Variants in C8orf34 observed in about 807,000 individuals in gnomAD.
The protein encoded by C8orf34 is uncharacterized protein C8orf34.
Under a neutral mutation model 68.3 loss-of-function variants are expected in C8orf34, and 65 were observed. The ratio of observed to expected loss-of-function variants is 0.95; its 90% CI spans 0.78 to 1.17. The LOEUF (loss-of-function observed/expected upper bound fraction) is 1.17. Among genes scored for constraint, C8orf34 ranks in the 50% most tolerant of loss-of-function variants. The pLI, the probability that C8orf34 is intolerant of heterozygous loss-of-function variation, is 0.00. For missense variants in C8orf34, 664 were observed against 655.4 expected (o/e 1.01, Z -0.14); for synonymous variants, 244 against 241.2 (o/e 1.01, Z -0.11).
chr8:68,416,939 C>A (rs1385586865), intron 1 of C8orf34, among the ~76,000 whole-genome samples: 1 of 151,966 alleles, frequency 6.6e-6, no homozygotes. Flanking sequence ...AGTATTACAC[C>A]ATTACTTTCC....
chr8:68,754,341 T>G (rs749893098), intron 10 of C8orf34, among the ~76,000 whole-genome samples: 2 of 152,182 alleles, frequency 1.3e-5, no homozygotes, highest in Non-Finnish European at 2.9e-5. Flanking sequence ...TAGTTCAAAG[T>G]GGAGAAAAGA....
chr8:68,551,188 G>A (rs978719229), intron 7 of C8orf34, among the ~76,000 whole-genome samples: 7 of 151,630 alleles, frequency 4.6e-5, no homozygotes, highest in Admixed American at 3.9e-4. Context: ...TGAATATGCT[G>A]ATGTGATTTT....
intron 5 of C8orf34, among the ~76,000 whole-genome samples, chr8:68,520,595 T>C (rs1814708520): frequency 1.2e-4 from 18 of 150,606 alleles, no homozygotes; most frequent in Admixed American, 1.1e-3. Flanking sequence ...GGACTACAGG[T>C]GCCCGCCATC....
intron 10 of C8orf34, among the ~76,000 whole-genome samples, chr8:68,744,733 G>A (rs1374657973): frequency 6.6e-6 from 1 of 152,218 alleles, no homozygotes; most frequent in Non-Finnish European, 1.5e-5. Flanking sequence ...ATGGGACTAT[G>A]TGAAAAGACC....
chr8:68,647,382 T>A (rs55915240), intron 8 of C8orf34, among the ~76,000 whole-genome samples: 18,693 of 152,216 alleles, frequency 0.12, 1,506 homozygotes, highest in Middle Eastern at 0.25. Flanking sequence ...TTGAAAAGCG[T>A]GGAGTTTCTG....
At chr8:68,421,347 G>C (rs753142918) in intron 1 of C8orf34, among the ~76,000 whole-genome samples, 8 of 152,202 alleles carry the variant, frequency 5.3e-5, no homozygotes, top group Non-Finnish European at 1.0e-4. Flanking sequence ...CCTCAGATTG[G>C]GAGCCAAAGA....
chr8:68,463,435 A>C (rs1394016037), intron 3 of C8orf34, among the ~76,000 whole-genome samples: 1 of 152,240 alleles, frequency 6.6e-6, no homozygotes, highest in East Asian at 1.9e-4. Context: ...TCCCTAACTC[A>C]TTTTATGAGG....
chr8:68,519,863 A>G (rs1814677002), intron 5 of C8orf34, among the ~76,000 whole-genome samples: 1 of 152,212 alleles, frequency 6.6e-6, no homozygotes, highest in Non-Finnish European at 1.5e-5. Context: ...AACATTGTAA[A>G]GTCTCACAGA....
intron 5 of C8orf34, among the ~76,000 whole-genome samples, chr8:68,490,818 C>T (rs1012182744): frequency 7.2e-5 from 11 of 152,126 alleles, no homozygotes; most frequent in East Asian, 1.9e-4. Flanking sequence ...CTGGCAGTCA[C>T]CCTTGGAGGA....
chr8:68,485,002 T>C (rs1813014505), intron 4 of C8orf34, among the ~76,000 whole-genome samples: 1 of 152,232 alleles, frequency 6.6e-6, no homozygotes, highest in Non-Finnish European at 1.5e-5. Context: ...GCATAATTCT[T>C]TCTCCAAACC....
chr8:68,369,793 C>A (rs1272353285), intron 1 of C8orf34, among the ~76,000 whole-genome samples: 1 of 152,232 alleles, frequency 6.6e-6, no homozygotes, highest in East Asian at 1.9e-4. Context: ...TAATTCTCTG[C>A]ACACTTGCCA....
At chr8:68,773,125 T>A (rs183685753) in intron 10 of C8orf34, among the ~76,000 whole-genome samples, 1 of 152,092 alleles carries the variant, frequency 6.6e-6, no homozygotes, top group Non-Finnish European at 1.5e-5. Flanking sequence ...AACTCATAGG[T>A]TTGTGCTTTG....
At chr8:68,726,823 A>T (rs895035694) in intron 10 of C8orf34, among the ~76,000 whole-genome samples, 6 of 144,068 alleles carry the variant, frequency 4.2e-5, no homozygotes, top group African/African-American at 1.6e-4. Context: ...ATAGCACAGT[A>T]AAGATTGGCC....
intron 1 of C8orf34, among the ~76,000 whole-genome samples, chr8:68,435,278 C>G (rs563986105): frequency 0.016 from 2,418 of 151,436 alleles, 83 homozygotes; most frequent in African/African-American, 0.055. Context: ...GAGTATATCA[C>G]TAAGAGTTAA....
chr8:68,810,815 C>G (rs1054080261), intron 12 of C8orf34, among the ~76,000 whole-genome samples: 17 of 152,080 alleles, frequency 1.1e-4, no homozygotes, highest in African/African-American at 3.1e-4. Flanking sequence ...CAGGTGGTCC[C>G]GACATTTGAC....
intron 10 of C8orf34, among the ~76,000 whole-genome samples, chr8:68,747,110 G>A (rs1348193055): frequency 1.1e-4 from 16 of 151,992 alleles, no homozygotes; most frequent in East Asian, 3.9e-4. Flanking sequence ...AATCCAGCAT[G>A]TAAACAGAAC....
At chr8:68,733,895 A>C (rs918459739) in intron 10 of C8orf34, among the ~76,000 whole-genome samples, 1 of 152,178 alleles carries the variant, frequency 6.6e-6, no homozygotes, top group Non-Finnish European at 1.5e-5. Context: ...GTAAGTAAAT[A>C]TCTCTCCACG....
At chr8:68,756,040 C>G (rs950895500) in intron 10 of C8orf34, among the ~76,000 whole-genome samples, 9 of 150,862 alleles carry the variant, frequency 6.0e-5, no homozygotes, top group African/African-American at 2.2e-4. Context: ...GCACTCCAGC[C>G]TGGGCGACAG....
chr8:68,362,369 A>G (rs1807040208), intron 1 of C8orf34, among the ~76,000 whole-genome samples: 1 of 152,224 alleles, frequency 6.6e-6, no homozygotes, highest in Admixed American at 6.5e-5. Context: ...AGCAGAGTCC[A>G]CTGTCAATGA....
Sources: allele counts gnomAD v4.1 joint callset (sites outside exome capture counted in the v4.1 genomes callset), GRCh38; gene constraint gnomAD v4.1.1; transcripts MANE v1.5; gene names NCBI Gene and HGNC (gene_info 2026-07-23, HGNC 2026-07-21).